The following PLA2G4A variants were observed in gnomAD, a reference collection of about 807,000 sequenced individuals.
The protein encoded by PLA2G4A is phospholipase A2 group IVA, also known as cytosolic phospholipase A2.
In PLA2G4A, 40 loss-of-function variants were observed where a neutral mutation model predicts 81.9. The observed-to-expected ratio is 0.49, with a 90% CI of 0.38 to 0.64. The LOEUF is 0.64. Ranked by LOEUF, PLA2G4A falls within the 30% of genes least tolerant of loss-of-function variation. The probability of loss-of-function intolerance (pLI) is 0.00; values close to 1 mark genes in which losing one functional copy is unlikely to be tolerated. For missense variants in PLA2G4A, 715 were observed against 905.1 expected (o/e 0.79, Z 2.69); for synonymous variants, 302 against 296.9 (o/e 1.02, Z -0.18).
chr1:186,885,885 A>G (rs1653919207), intron 3 of PLA2G4A, among the ~76,000 whole-genome samples: 1 of 152,160 alleles, frequency 6.6e-6, no homozygotes, highest in Non-Finnish European at 1.5e-5. Flanking sequence ...AGGAAATAAA[A>G]TATAGAATAA....
At chr1:186,913,223 G>T in intron 7 of PLA2G4A, among the ~76,000 whole-genome samples, 1 of 151,590 alleles carries the variant, frequency 6.6e-6, no homozygotes, top group South Asian at 2.1e-4. Flanking sequence ...TTAAGTTGAA[G>T]AAATGATTTA....
intron 6 of PLA2G4A, among the ~76,000 whole-genome samples, chr1:186,910,265 G>A (rs1654894281): frequency 1.3e-5 from 2 of 152,164 alleles, no homozygotes; most frequent in South Asian, 2.1e-4. Flanking sequence ...ATTTAAAATT[G>A]ATTTACAATT....
chr1:186,906,445 G>A (rs1654739858), intron 5 of PLA2G4A, among the ~76,000 whole-genome samples: 1 of 152,118 alleles, frequency 6.6e-6, no homozygotes, highest in African/African-American at 2.4e-5. Context: ...AACTACAGTT[G>A]GCTGGATCCT....
intron 1 of PLA2G4A, among the ~76,000 whole-genome samples, chr1:186,848,051 G>A (rs1652247354): frequency 6.6e-6 from 1 of 152,104 alleles, no homozygotes; most frequent in African/African-American, 2.4e-5. Flanking sequence ...CTGGTAACAT[G>A]AAAGAACCTC....
intron 7 of PLA2G4A, among the ~76,000 whole-genome samples, chr1:186,931,928 C>T (rs1282831111): frequency 3.3e-5 from 5 of 152,300 alleles, no homozygotes; most frequent in African/African-American, 9.6e-5. Flanking sequence ...ACCTTCCTCT[C>T]TTTTACTGCT....
chr1:186,857,025 ACTGACTGCCATGCAGCCCCCACATGTGT>A (rs1237409060), intron 2 of PLA2G4A, among the ~76,000 whole-genome samples: 1 of 94,750 alleles, frequency 1.1e-5, no homozygotes, highest in Non-Finnish European at 2.3e-5. Context: ...AGGCCTTATT[ACTGACTGCCATGCAGCCCCCACATGTGT>A]CTGCCATGCA....
intron 17 of PLA2G4A, among the ~76,000 whole-genome samples, chr1:186,980,234 C>T (rs1390380381): frequency 1.3e-5 from 2 of 152,176 alleles, no homozygotes; most frequent in African/African-American, 2.4e-5. Context: ...CCACCGCACC[C>T]GGCCAGCCTT....
intron 7 of PLA2G4A, among the ~76,000 whole-genome samples, chr1:186,930,111 A>G (rs1655688041): frequency 6.6e-6 from 1 of 152,154 alleles, no homozygotes; most frequent in Non-Finnish European, 1.5e-5. Context: ...AAAACAAACA[A>G]ACAAACAAAC....
At chr1:186,863,173 G>A (rs995042636) in intron 2 of PLA2G4A, among the ~76,000 whole-genome samples, 1 of 152,126 alleles carries the variant, frequency 6.6e-6, no homozygotes, top group Non-Finnish European at 1.5e-5. Flanking sequence ...GGGCTCAAGC[G>A]ATCCTTCTGT....
chr1:186,916,911 G>A (rs1325515339), intron 7 of PLA2G4A, among the ~76,000 whole-genome samples: 1 of 152,216 alleles, frequency 6.6e-6, no homozygotes, highest in Non-Finnish European at 1.5e-5. Context: ...TGAATCCCAT[G>A]ATAATTTTCC....
At chr1:186,854,507 A>T in intron 2 of PLA2G4A, 120 bp downstream of exon 2, 1 of 747,916 alleles carries the variant, frequency 1.3e-6, no homozygotes, top group South Asian at 1.4e-5. Flanking sequence ...TATTAAACTC[A>T]TATGAACTTA....
intron 7 of PLA2G4A, among the ~76,000 whole-genome samples, chr1:186,927,348 T>C (rs1359424988): frequency 2.0e-5 from 3 of 152,198 alleles, no homozygotes; most frequent in Admixed American, 2.0e-4. Context: ...ACTTTGTGTA[T>C]GGGGATTTTT....
chr1:186,914,111 A>T (rs774936778), intron 7 of PLA2G4A, among the ~76,000 whole-genome samples: 7 of 151,280 alleles, frequency 4.6e-5, no homozygotes, highest in Non-Finnish European at 8.8e-5. Context: ...TTTTTTTGAG[A>T]CAGGGTTTTG....
At chr1:186,886,438 G>A (rs1653940978) in intron 3 of PLA2G4A, among the ~76,000 whole-genome samples, 1 of 152,120 alleles carries the variant, frequency 6.6e-6, no homozygotes, top group African/African-American at 2.4e-5. Context: ...TACATGGGTA[G>A]CGAAAAGGTT....
chr1:186,958,191 T>C (rs548329185), intron 14 of PLA2G4A, among the ~76,000 whole-genome samples: 23 of 152,286 alleles, frequency 1.5e-4, no homozygotes, highest in African/African-American at 5.5e-4. Context: ...CTCTAGGATA[T>C]GAGGTATGTC....
At chr1:186,859,266 A>C (rs1652710222) in intron 2 of PLA2G4A, among the ~76,000 whole-genome samples, 1 of 152,168 alleles carries the variant, frequency 6.6e-6, no homozygotes, top group African/African-American at 2.4e-5. Context: ...AGAAGCTGGT[A>C]GGAAAACAGA....
At chr1:186,850,561 T>G (rs150827724) in intron 1 of PLA2G4A, among the ~76,000 whole-genome samples, 314 of 152,174 alleles carry the variant, frequency 2.1e-3, no homozygotes, top group African/African-American at 7.2e-3. Flanking sequence ...TACTACAGAC[T>G]AGGTAGATAG....
At chr1:186,984,366 A>T (rs185199419) in intron 17 of PLA2G4A, among the ~76,000 whole-genome samples, 16 of 152,302 alleles carry the variant, frequency 1.1e-4, no homozygotes, top group Non-Finnish European at 2.2e-4. Context: ...CTATCACAGG[A>T]AAATATATGG....
rs1337380189 is a variant in PLA2G4A at position 186,832,001 on chromosome 1, ATAT to A, written c.-70+2972_-70+2974del. On this transcript the variant is annotated intron_variant, in intron 1 of 17. Coordinates refer to ENST00000367466, the MANE Select transcript of PLA2G4A (RefSeq NM_024420.3). Reference sequence around the variant, plus strand: ...TACTTTGTATTCACATATTTAACAAATATTATTAAGTCCCTACTGTGTGTAATG... The same window carrying A: ...TACTTTGTATTCACATATTTAACAAATATTAAGTCCCTACTGTGTGTAATG... 2.0e-5 allele frequency among the ~76,000 whole-genome samples: 3 copies of A among 152,174 alleles called. 1 individual carries two copies. The highest frequency in any genetic ancestry group is 7.2e-5 in the African/African-American group (3 of 41,556).
Sources: gnomAD v4.1 joint callset for allele counts (sites outside exome capture counted in the v4.1 genomes callset) on GRCh38, gnomAD v4.1.1 for gene constraint, MANE v1.5 for transcripts, NCBI Gene and HGNC (gene_info 2026-07-23, HGNC 2026-07-21) for gene names.